SUGCT: variants seen among roughly 807,000 people sequenced by gnomAD.
The protein encoded by SUGCT is succinyl-CoA:glutarate CoA-transferase.
A neutral mutation model predicts 55.0 loss-of-function variants in SUGCT; 41 were observed. The ratio of observed to expected loss-of-function variants is 0.74; its 90% CI spans 0.58 to 0.97. The LOEUF (loss-of-function observed/expected upper bound fraction) is 0.97, where lower values mean the gene tolerates loss of function less well. Ranked by LOEUF, SUGCT falls within the 50% of genes least tolerant of loss-of-function variation. The pLI is 0.00. For synonymous variants in SUGCT, 187 were observed against 200.4 expected (o/e 0.93, Z 0.56); for missense variants, 568 against 547.8 (o/e 1.04, Z -0.37).
At chr7:40,487,445 A>G (rs2151500594) in intron 11 of SUGCT, among the ~76,000 whole-genome samples, 1 of 151,640 alleles carries the variant, frequency 6.6e-6, no homozygotes, top group South Asian at 2.1e-4. Flanking sequence ...GTAGGCTAAT[A>G]TATGATCTGT....
Position 40,860,346 on chromosome 7 carries a change from T to C in SUGCT, c.1184T>C (p.Met395Thr). ...GCTGTGAGATACAGTAAGTTCAAGATGTCAGAGGCCAGGCCGCCCCCGCTG... is the reference window on the plus strand; with the variant it reads ...GCTGTGAGATACAGTAAGTTCAAGACGTCAGAGGCCAGGCCGCCCCCGCTG... ...GPAVRYSKFK[M>T]SEARPPPLLG... is the part of the protein sequence containing the mutation. Residue 395 changes from methionine (M) to threonine (T), a missense_variant, in exon 14 of 14, where the codon ATG becomes ACG. By Grantham distance (81) the Met-to-Thr change is moderately conservative. Transcript: ENST00000335693. 1 of 1,614,002 alleles carries C rather than the reference T, an allele frequency of 6.2e-7. No homozygotes were observed. The highest frequency in any genetic ancestry group is 8.5e-7 in the Non-Finnish European group (1 of 1,179,870).
chr7:40,864,814 C>G (rs1483466174), downstream of SUGCT, among the ~76,000 whole-genome samples: 2 of 152,102 alleles, frequency 1.3e-5, no homozygotes, highest in African/African-American at 4.8e-5. Context: ...TGAACCCAGC[C>G]TGACGTGTTG....
intron 7 of SUGCT, among the ~76,000 whole-genome samples, chr7:40,269,326 A>G (rs1048312665): frequency 6.6e-6 from 1 of 151,214 alleles, no homozygotes; most frequent in Non-Finnish European, 1.5e-5. Flanking sequence ...TTATTTATTT[A>G]TTTATTTATT....
At chr7:40,547,225 G>A (rs1027381481) in intron 12 of SUGCT, among the ~76,000 whole-genome samples, 11 of 152,042 alleles carry the variant, frequency 7.2e-5, no homozygotes, top group African/African-American at 2.2e-4. Context: ...AAGTTCCCTC[G>A]TAGCCTTTTT....
chr7:40,953,773 G>T, the SUGCT span, among the ~76,000 whole-genome samples: 2 of 152,222 alleles, frequency 1.3e-5, no homozygotes, highest in Admixed American at 1.3e-4. Context: ...AGCAAATATT[G>T]CTGAACAGCA....
At chr7:40,407,154 G>A (rs971779961) in intron 9 of SUGCT, among the ~76,000 whole-genome samples, 6 of 151,966 alleles carry the variant, frequency 3.9e-5, no homozygotes, top group Admixed American at 2.6e-4. Context: ...ATGCACAAAC[G>A]TACACAAAAA....
intron 13 of SUGCT, among the ~76,000 whole-genome samples, chr7:40,849,675 A>G (rs1033507744): frequency 3.3e-5 from 5 of 152,114 alleles, no homozygotes; most frequent in Admixed American, 1.3e-4. Context: ...TTTTCACCCT[A>G]GAAGAATCAT....
At chr7:40,515,870 T>C (rs1047220086) in intron 12 of SUGCT, among the ~76,000 whole-genome samples, 3 of 152,216 alleles carry the variant, frequency 2.0e-5, no homozygotes, top group Non-Finnish European at 4.4e-5. Context: ...AACTCTATGT[T>C]GAACATTTTA....
chr7:40,725,590 C>G (rs1050276124), intron 12 of SUGCT, among the ~76,000 whole-genome samples: 1 of 134,848 alleles, frequency 7.4e-6, no homozygotes, highest in Non-Finnish European at 1.6e-5. Flanking sequence ...TTTTTTTTTT[C>G]TTTTCACTCT....
intron 11 of SUGCT, among the ~76,000 whole-genome samples, chr7:40,479,818 T>A (rs1283497368): frequency 1.3e-5 from 2 of 152,200 alleles, no homozygotes; most frequent in African/African-American, 4.8e-5. Flanking sequence ...GTACGTCTTC[T>A]TTTATGAAAT....
chr7:40,747,061 C>T (rs1267359297), intron 12 of SUGCT, among the ~76,000 whole-genome samples: 2 of 152,134 alleles, frequency 1.3e-5, no homozygotes, highest in African/African-American at 2.4e-5. Flanking sequence ...GGAAGCTGTG[C>T]GGGGCGGGTG....
At chr7:40,392,837 T>A (rs145945739) in intron 9 of SUGCT, among the ~76,000 whole-genome samples, 9 of 152,170 alleles carry the variant, frequency 5.9e-5, no homozygotes, top group Admixed American at 5.9e-4. Flanking sequence ...AAAATAAATT[T>A]ACAGGAGCTA....
chr7:40,445,720 A>G (rs145812572), intron 9 of SUGCT, among the ~76,000 whole-genome samples: 20 of 152,270 alleles, frequency 1.3e-4, no homozygotes, highest in Middle Eastern at 3.4e-3. Context: ...ACCAATATCC[A>G]TGATGAACAT....
chr7:40,358,298 G>C (rs996986218), intron 9 of SUGCT, among the ~76,000 whole-genome samples: 1 of 152,236 alleles, frequency 6.6e-6, no homozygotes, highest in African/African-American at 2.4e-5. Context: ...AGGTTATTAA[G>C]TAATAATAGC....
At chr7:40,260,792 CAG>C (rs377224609) in intron 7 of SUGCT, among the ~76,000 whole-genome samples, 10 of 152,272 alleles carry the variant, frequency 6.6e-5, no homozygotes, top group African/African-American at 2.4e-4. Context: ...GCTGGGACTA[CAG>C]GTGTGCGCCA....
the SUGCT span, among the ~76,000 whole-genome samples, chr7:40,946,767 T>G: frequency 1.3e-5 from 2 of 152,210 alleles, no homozygotes; most frequent in African/African-American, 4.8e-5. Context: ...ATTGTGTCAT[T>G]CCACTGATTT....
chr7:40,824,268 C>A (rs747791959), intron 13 of SUGCT, among the ~76,000 whole-genome samples: 2 of 151,668 alleles, frequency 1.3e-5, no homozygotes, highest in Non-Finnish European at 2.9e-5. Flanking sequence ...AGCAGTAAAG[C>A]TGATGGATGT....
In SUGCT at chr7:40,253,994, C is replaced by A. The variant is rs139255279; in HGVS notation, c.576+16268C>A. 4.8e-3 allele frequency among the ~76,000 whole-genome samples: 737 copies of A among 152,322 alleles called. 6 individuals carry two copies. The highest frequency in any genetic ancestry group is 0.017 in the African/African-American group (701 of 41,570). On this transcript the variant is annotated intron_variant, in intron 7 of 13. Transcript: ENST00000335693. ...CTAGAACTGGATTTATAGACTCAAT[C>A]CCAGTGACTGACATTAACACTACGG... is the stretch of plus-strand genomic sequence containing the variant.
the SUGCT span, among the ~76,000 whole-genome samples, chr7:40,930,187 C>T: frequency 3.3e-5 from 5 of 152,122 alleles, no homozygotes; most frequent in Non-Finnish European, 7.3e-5. Flanking sequence ...AATCCTTTCC[C>T]CATTTCTTGT....
Sources: gnomAD v4.1 joint callset for allele counts (sites outside exome capture counted in the v4.1 genomes callset) on GRCh38, gnomAD v4.1.1 for gene constraint, MANE v1.5 for transcripts, NCBI Gene and HGNC (gene_info 2026-07-23, HGNC 2026-07-21) for gene names.